The following MAST4 variants were observed in gnomAD, a reference collection of about 807,000 sequenced individuals.
MAST4 encodes the protein microtubule-associated serine/threonine-protein kinase 4.
Under a neutral mutation model 162.7 loss-of-function variants are expected in MAST4, and 89 were observed. The ratio of observed to expected loss-of-function variants is 0.55; its 90% CI spans 0.46 to 0.65. The LOEUF (loss-of-function observed/expected upper bound fraction) is 0.65. Among genes scored for constraint, MAST4 ranks in the 30% least tolerant of loss-of-function variants. The pLI is 0.00. For missense variants in MAST4, 3,153 were observed against 3,374.0 expected (o/e 0.93, Z 1.62); for synonymous variants, 1,479 against 1,361.1 (o/e 1.09, Z -1.91).
intron 4 of MAST4, among the ~76,000 whole-genome samples, chr5:67,009,477 A>G (rs977378669): frequency 6.6e-6 from 1 of 152,176 alleles, no homozygotes; most frequent in African/African-American, 2.4e-5. Flanking sequence ...CTGGGTTAAC[A>G]TCTTGACTGT....
chr5:66,862,205 A>G (rs1458280181), intron 3 of MAST4, among the ~76,000 whole-genome samples: 1 of 152,214 alleles, frequency 6.6e-6, no homozygotes, highest in Non-Finnish European at 1.5e-5. Flanking sequence ...ACTTAGAGCT[A>G]TGTTGAAAAT....
intron 3 of MAST4, among the ~76,000 whole-genome samples, chr5:66,855,561 G>A (rs1217045542): frequency 6.6e-6 from 1 of 152,228 alleles, no homozygotes; most frequent in Non-Finnish European, 1.5e-5. Context: ...GCTTCGGGAT[G>A]TTGTCAAGAA....
intron 4 of MAST4, among the ~76,000 whole-genome samples, chr5:66,984,797 A>G (rs1749281994): frequency 1.3e-5 from 2 of 152,128 alleles, no homozygotes; most frequent in African/African-American, 4.8e-5. Context: ...CAGCAAAAAC[A>G]AGGATGGGTC....
At chr5:66,621,741 G>A (rs1222235598) in intron 1 of MAST4, among the ~76,000 whole-genome samples, 1 of 152,198 alleles carries the variant, frequency 6.6e-6, no homozygotes, top group Non-Finnish European at 1.5e-5. Flanking sequence ...CTGGCACTGG[G>A]AATACAGTAA....
At chr5:66,895,484 A>G (rs1762626113) in intron 3 of MAST4, among the ~76,000 whole-genome samples, 1 of 152,110 alleles carries the variant, frequency 6.6e-6, no homozygotes, top group African/African-American at 2.4e-5. Flanking sequence ...GAATTCTTAC[A>G]GACAGACATC....
chr5:66,604,560 C>T (rs145973303), intron 1 of MAST4, among the ~76,000 whole-genome samples: 2 of 152,290 alleles, frequency 1.3e-5, no homozygotes, highest in African/African-American at 2.4e-5. Context: ...TTTCAGTGGG[C>T]AGCAGGATCA....
chr5:66,828,944 A>G (rs1757413602), intron 3 of MAST4: 12 of 1,348,718 alleles, frequency 8.9e-6, no homozygotes, highest in Admixed American at 1.9e-5. Context: ...GAGGATTTCA[A>G]AGTTCCCTTG....
intron 1 of MAST4, among the ~76,000 whole-genome samples, chr5:66,678,743 T>A (rs570173816): frequency 1.1e-3 from 167 of 152,006 alleles, no homozygotes; most frequent in Middle Eastern, 3.4e-3. Flanking sequence ...TCTTCCCACC[T>A]TGGCCTCCCA....
At chr5:67,099,539 G>A (rs1581555658) in intron 7 of MAST4, among the ~76,000 whole-genome samples, 1 of 152,064 alleles carries the variant, frequency 6.6e-6, no homozygotes, top group Non-Finnish European at 1.5e-5. Context: ...TTTAAAATAA[G>A]TAGTATCTTT....
chr5:66,965,224 G>GTTTTTTTTTTTTTTTTT (rs1561485927), intron 4 of MAST4, among the ~76,000 whole-genome samples: 1 of 72,418 alleles, frequency 1.4e-5, no homozygotes. Context: ...TTTTTTTTTT[G>GTTTTTTTTTTTTTTTTT]CTTTTTTTTT....
chr5:67,002,429 T>C (rs1174363143), intron 4 of MAST4, among the ~76,000 whole-genome samples: 2 of 152,210 alleles, frequency 1.3e-5, no homozygotes, highest in African/African-American at 2.4e-5. Context: ...TCTGAAAATA[T>C]GAAGATCAGT....
intron 1 of MAST4, among the ~76,000 whole-genome samples, chr5:66,709,797 C>A (rs1750380309): frequency 6.6e-6 from 1 of 152,144 alleles, no homozygotes; most frequent in African/African-American, 2.4e-5. Context: ...TTATAACTTA[C>A]TAGCTTTGTG....
rs185520718 is a variant in MAST4 at position 66,924,722 on chromosome 5, T to A, written c.674+24740T>A. 1.2e-3 allele frequency among the ~76,000 whole-genome samples: 185 copies of A among 152,310 alleles called. 2 individuals are homozygous for A. Among genetic ancestry groups the A allele is most frequent in the African/African-American group, 4.1e-3 (171 of 41,570 alleles). On this transcript the variant is annotated intron_variant, in intron 4 of 28. Coordinates refer to ENST00000403625, the MANE Select transcript of MAST4 (RefSeq NM_001164664.2). ...GAAAATAATTTAAACAATATTTAAA[T>A]TGATCATGTAGGTGGTCATTTTAGA... is the stretch of plus-strand genomic sequence containing the variant.
At chr5:66,902,069 C>T (rs1763046990) in intron 4 of MAST4, among the ~76,000 whole-genome samples, 1 of 152,178 alleles carries the variant, frequency 6.6e-6, no homozygotes, top group Non-Finnish European at 1.5e-5. Flanking sequence ...TTATTTACTG[C>T]ATACATGCCT....
At chr5:66,958,356 C>G (rs1745577577) in intron 4 of MAST4, among the ~76,000 whole-genome samples, 3 of 152,088 alleles carry the variant, frequency 2.0e-5, no homozygotes, top group African/African-American at 7.2e-5. Flanking sequence ...CACTTAGTTC[C>G]AAGTTATGAA....
intron 3 of MAST4, among the ~76,000 whole-genome samples, chr5:66,818,373 G>C (rs1580527402): frequency 6.6e-6 from 1 of 151,844 alleles, no homozygotes; most frequent in East Asian, 1.9e-4. Context: ...GGTATTTTGA[G>C]TATTGATGCT....
At chr5:67,012,444 T>C (rs1255316006) in intron 4 of MAST4, among the ~76,000 whole-genome samples, 2 of 152,204 alleles carry the variant, frequency 1.3e-5, no homozygotes, top group Admixed American at 1.3e-4. Context: ...AAGCATGTTA[T>C]GTTAATCTGA....
chr5:67,163,927 G>C lies in MAST4; in HGVS notation c.4748G>C (p.Arg1583Thr), dbSNP rs747341782. 6.2e-7 allele frequency: 1 copy of C among 1,613,930 alleles called. No individual in the cohort carries two copies. Among genetic ancestry groups the C allele is most frequent in the Non-Finnish European group, 8.5e-7 (1 of 1,179,866 alleles). ...EKKVYPKAVERSSTFENKASM... is the reference protein window; with the variant it reads ...EKKVYPKAVETSSTFENKASM... Reference sequence around the variant, plus strand: ...AAAGTCTATCCGAAGGCTGTGGAAAGGTCAAGTACTTTTGAAAACAAAGCG... The same window carrying C: ...AAAGTCTATCCGAAGGCTGTGGAAACGTCAAGTACTTTTGAAAACAAAGCG... Residue 1583 changes from arginine (R) to threonine (T), a missense_variant, in exon 29 of 29, where the codon AGG (arginine) becomes ACG (threonine). By Grantham distance (71) the Arg-to-Thr change is moderately conservative. This residue lies in a region of MAST4 where 1,644 missense variants were observed against 1,495.0 expected (regional missense o/e 1.10). Transcript: ENST00000403625. This position sits in a 1 kb window ranked among gnomAD's most constrained non-coding sequence, Gnocchi z 7.0.
chr5:66,864,652 C>CG (rs370243251), intron 3 of MAST4, among the ~76,000 whole-genome samples: 2 of 151,290 alleles, frequency 1.3e-5, no homozygotes, highest in Admixed American at 6.6e-5. Flanking sequence ...TGTCCCCCCC[C>CG]GAAAATACAT....
Sources: allele counts gnomAD v4.1 joint callset (sites outside exome capture counted in the v4.1 genomes callset), GRCh38; gene constraint gnomAD v4.1.1; regional missense constraint gnomAD v4.1.1; non-coding constraint Gnocchi (gnomAD v3.1); transcripts MANE v1.5; gene names NCBI Gene and HGNC (gene_info 2026-07-23, HGNC 2026-07-21).